MALRD1: variants seen among roughly 807,000 people sequenced by gnomAD.
The protein encoded by MALRD1 is MAM and LDL-receptor class A domain-containing protein 1.
Under a neutral mutation model 242.1 loss-of-function variants are expected in MALRD1, and 247 were observed. The ratio of observed to expected loss-of-function variants is 1.02; its 90% CI spans 0.92 to 1.13. The LOEUF (loss-of-function observed/expected upper bound fraction) is 1.13. Ranked by LOEUF, MALRD1 falls within the 50% of genes most tolerant of loss-of-function variation. MALRD1 has a pLI of 0.00. For missense variants in MALRD1, 2,989 were observed against 2,533.1 expected, an observed-to-expected ratio of 1.18 and a Z score of -3.86; for synonymous variants, 995 against 866.6, an observed-to-expected ratio of 1.15 and a Z score of -2.60.
chr10:19,586,979 A>T (rs1837452056), intron 33 of MALRD1, among the ~76,000 whole-genome samples: 1 of 152,192 alleles, frequency 6.6e-6, no homozygotes, highest in East Asian at 1.9e-4. Context: ...GGTGGGAGTG[A>T]CCCGATTTTC....
intron 26 of MALRD1, among the ~76,000 whole-genome samples, chr10:19,374,853 T>C (rs1845533324): frequency 1.3e-5 from 2 of 152,198 alleles, no homozygotes; most frequent in Admixed American, 6.5e-5. Flanking sequence ...CAGAAACTAG[T>C]AGTGTGATCA....
At chr10:19,237,098 G>A (rs1053488536) in intron 18 of MALRD1, among the ~76,000 whole-genome samples, 3 of 151,966 alleles carry the variant, frequency 2.0e-5, no homozygotes, top group Non-Finnish European at 4.4e-5. Context: ...GATAGTTAGT[G>A]TATTAATTAC....
chr10:19,578,860 C>A (rs1260691070), intron 33 of MALRD1, among the ~76,000 whole-genome samples: 1 of 152,022 alleles, frequency 6.6e-6, no homozygotes, highest in Non-Finnish European at 1.5e-5. Context: ...TCCATATATA[C>A]ATCTTTTAGC....
At chr10:19,500,065 T>C (rs76416935) in intron 31 of MALRD1, among the ~76,000 whole-genome samples, 1 of 152,316 alleles carries the variant, frequency 6.6e-6, no homozygotes, top group African/African-American at 2.4e-5. Context: ...TATTGGCCTG[T>C]AGTTTACTTT....
chr10:19,247,391 A>G (rs10128464), intron 18 of MALRD1, among the ~76,000 whole-genome samples: 26,378 of 151,952 alleles, frequency 0.17, 2,814 homozygotes, highest in African/African-American at 0.29. Context: ...TTGGGTTGCA[A>G]GGGCTTCTGA....
At chr10:19,191,600 TTGAC>T (rs1425357264) in intron 14 of MALRD1, among the ~76,000 whole-genome samples, 2 of 152,192 alleles carry the variant, frequency 1.3e-5, no homozygotes, top group Non-Finnish European at 2.9e-5. Flanking sequence ...CAATTATTCA[TTGAC>T]TGATGAGTGG....
At chr10:19,440,077 A>G (rs1239893122) in intron 28 of MALRD1, among the ~76,000 whole-genome samples, 1 of 152,184 alleles carries the variant, frequency 6.6e-6, no homozygotes, top group African/African-American at 2.4e-5. Flanking sequence ...CTGATTGCCA[A>G]CAAGCCTGAG....
At chr10:19,491,262 A>G (rs542238612) in intron 29 of MALRD1, 3 of 696,904 alleles carry the variant, frequency 4.3e-6, no homozygotes, top group Non-Finnish European at 7.1e-6. Context: ...TGTCTCATCC[A>G]TGAGAATCAC....
intron 32 of MALRD1, among the ~76,000 whole-genome samples, chr10:19,552,171 A>G (rs1821354697): frequency 6.6e-6 from 1 of 152,158 alleles, no homozygotes; most frequent in Non-Finnish European, 1.5e-5. Context: ...GAATGGTACC[A>G]GCTATTCTTT....
chr10:19,557,979 A>T lies in MALRD1; in HGVS notation c.5479-9523A>T, dbSNP rs1443826977. ...CATAGATATCATGTACTTTTTTGTT[A>T]GATTTATAAATATATATTTCTTTTT... On this transcript the variant is annotated intron_variant, in intron 32 of 39. Coordinates refer to ENST00000454679, the MANE Select transcript of MALRD1 (RefSeq NM_001142308.3). 2.0e-5 allele frequency among the ~76,000 whole-genome samples: 3 copies of T among 152,018 alleles called. No individual in the cohort carries two copies. In the East Asian group the frequency reaches 5.8e-4, roughly 29 times the overall value.
intron 32 of MALRD1, among the ~76,000 whole-genome samples, chr10:19,547,990 A>C (rs768472909): frequency 5.6e-5 from 7 of 125,114 alleles, no homozygotes; most frequent in Non-Finnish European, 9.9e-5. Flanking sequence ...TCTTATCACT[A>C]TACTTTTTTT....
chr10:19,392,132 C>G (rs1443767272), intron 28 of MALRD1, among the ~76,000 whole-genome samples: 1 of 152,152 alleles, frequency 6.6e-6, no homozygotes, highest in East Asian at 1.9e-4. Context: ...AACAATGCAT[C>G]CATAAATATG....
chr10:19,726,081 A>T (rs889958704), intron 38 of MALRD1, among the ~76,000 whole-genome samples: 1 of 152,228 alleles, frequency 6.6e-6, no homozygotes, highest in South Asian at 2.1e-4. Flanking sequence ...ACAAGCAACA[A>T]CAAAAAATAA....
intron 21 of MALRD1, among the ~76,000 whole-genome samples, chr10:19,316,388 A>C (rs111653147): frequency 6.6e-6 from 1 of 152,000 alleles, no homozygotes; most frequent in African/African-American, 2.4e-5. Flanking sequence ...TGGAGAGGGC[A>C]TGTGTGGAGC....
At chr10:19,615,129 G>A (rs1165939480) in intron 35 of MALRD1, among the ~76,000 whole-genome samples, 1 of 152,022 alleles carries the variant, frequency 6.6e-6, no homozygotes, top group Admixed American at 6.6e-5. Context: ...TTTTTGAGAT[G>A]ATGGATATGC....
chr10:19,272,064 A>C (rs1258748618), intron 19 of MALRD1, among the ~76,000 whole-genome samples: 1 of 152,140 alleles, frequency 6.6e-6, no homozygotes, highest in African/African-American at 2.4e-5. Context: ...TCAATAGACT[A>C]ATAGATCAAA....
intron 38 of MALRD1, among the ~76,000 whole-genome samples, chr10:19,696,810 G>A (rs1319160587): frequency 1.3e-5 from 2 of 152,060 alleles, no homozygotes; most frequent in Non-Finnish European, 2.9e-5. Flanking sequence ...CAGCTGCTTG[G>A]GAGAGTGAGA....
At chr10:19,125,337 C>CTTT (rs1837237898) in intron 7 of MALRD1, among the ~76,000 whole-genome samples, 4 of 80,490 alleles carry the variant, frequency 5.0e-5, no homozygotes, top group Non-Finnish European at 7.3e-5. Context: ...TTCTTTCTTT[C>CTTT]TTTCTTTCTT....
At chr10:19,404,279 T>C (rs1378704289) in intron 28 of MALRD1, among the ~76,000 whole-genome samples, 3 of 152,048 alleles carry the variant, frequency 2.0e-5, no homozygotes, top group African/African-American at 7.2e-5. Context: ...TTTATCCATG[T>C]AGTAATAAAC....
Sources: allele counts gnomAD v4.1 joint callset (sites outside exome capture counted in the v4.1 genomes callset), GRCh38; gene constraint gnomAD v4.1.1; transcripts MANE v1.5; gene names NCBI Gene and HGNC (gene_info 2026-07-23, HGNC 2026-07-21).